Variants in ASB2 observed in about 807,000 individuals in gnomAD.
The protein encoded by ASB2 is ankyrin repeat and SOCS box protein 2.
A neutral mutation model predicts 62.4 loss-of-function variants in ASB2; 58 were observed. The ratio of observed to expected loss-of-function variants is 0.93; its 90% CI spans 0.75 to 1.16. The LOEUF is 1.16. Ranked by LOEUF, ASB2 falls within the 50% of genes most tolerant of loss-of-function variation. The pLI, the probability that ASB2 is intolerant of heterozygous loss-of-function variation, is 0.00. For synonymous variants in ASB2, 386 were observed against 385.3 expected, an observed-to-expected ratio of 1.00 and a Z score of -0.02; for missense variants, 928 against 887.9, an observed-to-expected ratio of 1.05 and a Z score of -0.57.
chr14:93,949,262 G>T (rs1888857947), intron 6 of ASB2, among the ~76,000 whole-genome samples: 1 of 152,196 alleles, frequency 6.6e-6, no homozygotes, highest in Non-Finnish European at 1.5e-5. Flanking sequence ...TATTTTTGAT[G>T]ATGGTGTGAC....
chr14:93,957,089 A>T (rs1257619577), intron 2 of ASB2: 3 of 1,435,224 alleles, frequency 2.1e-6, no homozygotes, highest in Non-Finnish European at 2.7e-6. Flanking sequence ...GCCCTGGGAG[A>T]TTTAAATGAC....
At chr14:93,948,921 C>T (rs1888842125) in intron 6 of ASB2, among the ~76,000 whole-genome samples, 1 of 152,236 alleles carries the variant, frequency 6.6e-6, no homozygotes, top group African/African-American at 2.4e-5. Context: ...GCCTGGACAA[C>T]AAAGTGAGAC....
At chr14:93,943,773 C>G in intron 7 of ASB2, 1 of 356,328 alleles carries the variant, frequency 2.8e-6, no homozygotes, top group Non-Finnish European at 5.5e-6. Flanking sequence ...AAGTCTTGAG[C>G]TCTGAGCCTC....
chr14:93,951,150 G>C lies in ASB2; in HGVS notation c.729C>G (p.His243Gln), dbSNP rs753571518. 4 of 1,614,026 alleles carry C rather than the reference G, an allele frequency of 2.5e-6. No individual in the cohort carries two copies. Among genetic ancestry groups the C allele is most frequent in the African/African-American group, 2.7e-5 (2 of 74,934 alleles). ...CCAGGTCATTGCGAGACACAGACTCGTGCAGAGCGGTCCAGCCGCGGTTGC... is the reference window on the plus strand; with the variant it reads ...CCAGGTCATTGCGAGACACAGACTCCTGCAGAGCGGTCCAGCCGCGGTTGC... ...HRCNRGWTAL[H>Q]ESVSRNDLEV... The change falls in exon 6 of 10, where the codon CAC (histidine) becomes CAG (glutamine). Residue 243 changes from histidine to glutamine, a missense_variant. Coordinates refer to ENST00000555019, the MANE Select transcript of ASB2 (RefSeq NM_001202429.2).
chr14:93,947,514 T>C lies in ASB2; in HGVS notation c.887A>G (p.Asp296Gly). Residue 296 changes from aspartate to glycine, a missense_variant, in exon 7 of 10, where the codon GAC becomes GGC. Physicochemically the swap from Asp to Gly is moderately conservative, Grantham distance 94 (BLOSUM62 -1). Coordinates refer to ENST00000555019, the MANE Select transcript of ASB2 (RefSeq NM_001202429.2). ...GTTGTCGCTGGCCTGCGTGTTGATG[T>C]CAGCACCTGGGGAAGGAGAAGAGAT... ...ALRFLAKYGA[D>G]INTQASDNAS... 6.2e-7 allele frequency: 1 copy of C among 1,613,782 alleles called. No individual in the cohort carries two copies. The highest frequency in any genetic ancestry group is 8.5e-7 in the Non-Finnish European group (1 of 1,179,964).
At chr14:93,959,430 G>A (rs1889333420) in intron 2 of ASB2, among the ~76,000 whole-genome samples, 2 of 152,176 alleles carry the variant, frequency 1.3e-5, no homozygotes, top group African/African-American at 4.8e-5. Context: ...TGAGTCTCAG[G>A]GCTGGCTGGG....
At chr14:93,954,103 T>A (rs563742527) in intron 4 of ASB2, 3 of 581,976 alleles carry the variant, frequency 5.2e-6, no homozygotes, top group East Asian at 5.7e-5. Context: ...AATTAGGCTC[T>A]CCTGTCCTTG....
intron 7 of ASB2, among the ~76,000 whole-genome samples, chr14:93,946,431 G>A (rs1414417796): frequency 2.0e-5 from 3 of 152,204 alleles, no homozygotes; most frequent in African/African-American, 7.2e-5. Flanking sequence ...ACTGGCTCAA[G>A]CAAGGGCAGA....
intron 7 of ASB2, among the ~76,000 whole-genome samples, chr14:93,946,537 AAC>A (rs1888730369): frequency 6.6e-6 from 1 of 152,244 alleles, no homozygotes; most frequent in South Asian, 2.1e-4. Flanking sequence ...GAGGTCAGTA[AAC>A]ACAGAGTTGG....
chr14:93,942,254 A>G, intron 7 of ASB2: 1 of 456,100 alleles, frequency 2.2e-6, no homozygotes, highest in South Asian at 1.5e-5. Flanking sequence ...ATGAAGAGGA[A>G]CAAAGGTGAC....
At chr14:93,957,478 G>A in intron 2 of ASB2, 1 of 804,176 alleles carries the variant, frequency 1.2e-6, no homozygotes, top group Non-Finnish European at 1.5e-6. Context: ...GCTGCAGTCA[G>A]ACAGACACAG....
chr14:93,942,386 G>A (rs1227815120), intron 7 of ASB2: 6 of 431,240 alleles, frequency 1.4e-5, no homozygotes, highest in Non-Finnish European at 2.9e-5. Context: ...TGAGACCGGA[G>A]CAGATCCAGC....
chr14:93,946,895 G>T (rs1888744958), intron 7 of ASB2, among the ~76,000 whole-genome samples: 2 of 152,160 alleles, frequency 1.3e-5, no homozygotes, highest in Admixed American at 6.5e-5. Flanking sequence ...ATATTCATTA[G>T]CTCAGACTCA....
intron 9 of ASB2, among the ~76,000 whole-genome samples, chr14:93,935,617 G>C (rs547691054): frequency 2.0e-5 from 3 of 152,286 alleles, no homozygotes; most frequent in Admixed American, 2.0e-4. Flanking sequence ...GGGGACAGGG[G>C]CATTCTAAGC....
intron 6 of ASB2, 29 bp from the exon 7 acceptor site, chr14:93,947,549 G>A (rs1888778245): frequency 6.2e-7 from 1 of 1,609,600 alleles, no homozygotes; most frequent in Non-Finnish European, 8.5e-7. Flanking sequence ...TCAGCAAGTG[G>A]CCAAGTGACC....
chr14:93,975,196 G>A (rs921074372), intron 1 of ASB2, among the ~76,000 whole-genome samples: 11 of 152,320 alleles, frequency 7.2e-5, no homozygotes, highest in East Asian at 1.9e-4. Flanking sequence ...TCAAGCCCTC[G>A]CCTCACGAAA....
At chr14:93,965,103 C>G (rs1889547533) in intron 1 of ASB2, among the ~76,000 whole-genome samples, 1 of 152,212 alleles carries the variant, frequency 6.6e-6, no homozygotes, top group Non-Finnish European at 1.5e-5. Context: ...TCTGTCCACC[C>G]AGCCATCCAT....
At chr14:93,968,348 C>T (rs1256966713) in intron 1 of ASB2, 1 of 152,248 alleles carries the variant, frequency 6.6e-6, no homozygotes, top group African/African-American at 2.4e-5. Context: ...CAGCCCCTCT[C>T]CTTCCAAAAG....
intron 5 of ASB2, among the ~76,000 whole-genome samples, chr14:93,952,128 A>G (rs1888992949): frequency 6.6e-6 from 1 of 152,270 alleles, no homozygotes. Flanking sequence ...AAATAGAACC[A>G]TAGGCCAAGC....
Sources: gnomAD v4.1 joint callset for allele counts (sites outside exome capture counted in the v4.1 genomes callset) on GRCh38, gnomAD v4.1.1 for gene constraint, MANE v1.5 for transcripts, NCBI Gene and HGNC (gene_info 2026-07-23, HGNC 2026-07-21) for gene names.